ADGRL2: variants seen among roughly 807,000 people sequenced by gnomAD.
ADGRL2 encodes calcium-independent alpha-latrotoxin receptor 2.
A neutral mutation model predicts 157.4 loss-of-function variants in ADGRL2; 44 were observed. That is an observed-to-expected ratio of 0.28 (90% CI 0.22 to 0.36). The LOEUF is 0.36. ADGRL2 is among the 10% of genes least tolerant of loss of function. The pLI, the probability that ADGRL2 is intolerant of heterozygous loss-of-function variation, is 1.00. For missense variants in ADGRL2, 1,510 were observed against 1,768.9 expected, an observed-to-expected ratio of 0.85 and a Z score of 2.63; for synonymous variants, 585 against 624.7, an observed-to-expected ratio of 0.94 and a Z score of 0.95.
chr1:81,955,551 A>C (rs1336975495), intron 10 of ADGRL2, among the ~76,000 whole-genome samples: 1 of 152,178 alleles, frequency 6.6e-6, no homozygotes, highest in African/African-American at 2.4e-5. Flanking sequence ...TACCTGTAAG[A>C]GTAATGTCTC....
At chr1:81,801,394 G>A (rs2088085036) in intron 1 of ADGRL2, among the ~76,000 whole-genome samples, 1 of 152,162 alleles carries the variant, frequency 6.6e-6, no homozygotes, top group African/African-American at 2.4e-5. Flanking sequence ...GTCTGTGTCA[G>A]GACTTCGCAT....
rs186057753 is a variant in ADGRL2, at chr1:81,655,174, C to G, written c.-143+74194C>G. Among the ~76,000 whole-genome samples, 37 of 152,228 alleles carry G rather than the reference C, an allele frequency of 2.4e-4. No homozygotes were observed. The East Asian group carries it at 3.3e-3, about 14-fold the overall frequency. On this transcript the variant is annotated intron_variant, in intron 3 of 24. Coordinates refer to the ADGRL2 transcript ENST00000370721. ...CCACCACTCTCGGCTAATTGTTTTT[C>G]TATTTTTAGTAGAGACGGGTTTTCA...
At chr1:81,989,846 T>G in intron 23 of ADGRL2, 7 of 1,395,972 alleles carry the variant, frequency 5.0e-6, no homozygotes, top group Non-Finnish European at 6.5e-6. Flanking sequence ...TTTTTTTTAC[T>G]TCATCTCCAG....
intron 1 of ADGRL2, among the ~76,000 whole-genome samples, chr1:81,742,900 A>G (rs552958475): frequency 6.6e-6 from 1 of 152,182 alleles, no homozygotes; most frequent in African/African-American, 2.4e-5. Flanking sequence ...TTTATCAAAT[A>G]TAGAATAGTC....
chr1:81,831,067 G>A (rs1043832204), intron 1 of ADGRL2, among the ~76,000 whole-genome samples: 3 of 152,122 alleles, frequency 2.0e-5, no homozygotes, highest in Non-Finnish European at 4.4e-5. Flanking sequence ...AGTGAGCCAC[G>A]TTGAGTTTTT....
At chr1:81,870,578 G>A (rs1022818800) in intron 2 of ADGRL2, among the ~76,000 whole-genome samples, 21 of 151,996 alleles carry the variant, frequency 1.4e-4, no homozygotes, top group African/African-American at 4.6e-4. Flanking sequence ...GGCCTAGGAA[G>A]TTATTTTCAA....
At chr1:81,934,394 T>C (rs1349130555) in intron 3 of ADGRL2, among the ~76,000 whole-genome samples, 1 of 152,000 alleles carries the variant, frequency 6.6e-6, no homozygotes, top group African/African-American at 2.4e-5. Flanking sequence ...GTAAAAGATC[T>C]CTAAGCCTGT....
intron 11 of ADGRL2, among the ~76,000 whole-genome samples, 163 bp downstream of exon 11, chr1:81,956,223 T>G (rs943481121): frequency 6.6e-6 from 1 of 152,216 alleles, no homozygotes; most frequent in African/African-American, 2.4e-5. Flanking sequence ...CTTACTAAAA[T>G]TCATGCAAAA....
At chr1:81,573,543 T>C (rs1179242627) in intron 2 of ADGRL2, among the ~76,000 whole-genome samples, 1 of 152,148 alleles carries the variant, frequency 6.6e-6, no homozygotes, top group Non-Finnish European at 1.5e-5. Flanking sequence ...AATTCATGTG[T>C]GGGAATGAAA....
At chr1:81,570,030 C>T (rs12033382) in intron 2 of ADGRL2, among the ~76,000 whole-genome samples, 4 of 152,202 alleles carry the variant, frequency 2.6e-5, no homozygotes, top group East Asian at 3.9e-4. Flanking sequence ...GTCCTCTCAA[C>T]GCATCTTAAC....
chr1:81,716,954 G>T (rs2084138615), intron 1 of ADGRL2, among the ~76,000 whole-genome samples: 1 of 152,098 alleles, frequency 6.6e-6, no homozygotes, highest in Admixed American at 6.6e-5. Context: ...CCAAAAATGG[G>T]AATAATAACA....
chr1:81,639,297 C>T (rs372081471), intron 3 of ADGRL2, among the ~76,000 whole-genome samples: 1 of 152,096 alleles, frequency 6.6e-6, no homozygotes, highest in Non-Finnish European at 1.5e-5. Context: ...TCTCGAACTC[C>T]TGACCTCAGG....
intron 17 of ADGRL2, among the ~76,000 whole-genome samples, chr1:81,974,934 ATGATC>A (rs939058852): frequency 1.2e-4 from 18 of 152,078 alleles, no homozygotes; most frequent in African/African-American, 4.3e-4. Flanking sequence ...AGGTAAAAGA[ATGATC>A]TTTGTCAGTG....
chr1:81,335,692 G>T (rs1205415690), intron 1 of ADGRL2, among the ~76,000 whole-genome samples: 1 of 152,000 alleles, frequency 6.6e-6, no homozygotes, highest in Non-Finnish European at 1.5e-5. Context: ...TTGGAAGGAG[G>T]AACATAATGT....
chr1:81,390,166 G>A (rs1337680475), intron 1 of ADGRL2, among the ~76,000 whole-genome samples: 1 of 152,298 alleles, frequency 6.6e-6, no homozygotes, highest in South Asian at 2.1e-4. Context: ...GAAGAGTCCT[G>A]CTTTTATCCA....
intron 2 of ADGRL2, among the ~76,000 whole-genome samples, chr1:81,533,229 A>T (rs902004016): frequency 2.6e-5 from 4 of 152,026 alleles, no homozygotes; most frequent in African/African-American, 9.7e-5. Context: ...AAATACAAAA[A>T]TTAATCAGCT....
chr1:81,620,394 G>A (rs1237028361), intron 3 of ADGRL2, among the ~76,000 whole-genome samples: 1 of 152,052 alleles, frequency 6.6e-6, no homozygotes, highest in Non-Finnish European at 1.5e-5. Flanking sequence ...TTTAGGTTTA[G>A]GTCAAGTAAA....
chr1:81,369,291 T>C (rs537408378), intron 1 of ADGRL2, among the ~76,000 whole-genome samples: 1 of 152,256 alleles, frequency 6.6e-6, no homozygotes. Context: ...AACCCAGCAG[T>C]TGGGAGGTTT....
At position 81,836,907 on chromosome 1, in the gene ADGRL2, C is replaced by A; in HGVS notation, c.-78C>A. The A allele has an allele frequency of 1.3e-6, 1 of 790,620 alleles. No individual in the cohort carries two copies. Among genetic ancestry groups the A allele is most frequent in the Non-Finnish European group, 2.1e-6 (1 of 476,292 alleles). The allele number at this position is 790,620 out of a possible 1,614,324, so 49.0% of individuals were successfully genotyped here. On this transcript the variant is annotated 5_prime_UTR_variant, in exon 2 of 24. The change creates a new upstream start codon in the 5' untranslated region. Coordinates refer to ENST00000686636, the MANE Select transcript of ADGRL2 (RefSeq NM_001366006.2). ...CAGATATGAAGATCAATGATGCAGA[C>A]TGATGGTTTTGATGAAGCTGGGCAT...
Sources: gnomAD v4.1 joint callset for allele counts (sites outside exome capture counted in the v4.1 genomes callset) on GRCh38, gnomAD v4.1.1 for gene constraint, MANE v1.5 for transcripts, NCBI Gene and HGNC (gene_info 2026-07-23, HGNC 2026-07-21) for gene names.